NELL1: variants seen among roughly 807,000 people sequenced by gnomAD.
NELL1 encodes the protein protein kinase C-binding protein NELL1.
A neutral mutation model predicts 107.4 loss-of-function variants in NELL1; 76 were observed. The observed-to-expected ratio is 0.71, with a 90% confidence interval of 0.59 to 0.86. The LOEUF (loss-of-function observed/expected upper bound fraction) is 0.86, where lower values mean the gene tolerates loss of function less well. Ranked by LOEUF, NELL1 falls within the 40% of genes least tolerant of loss-of-function variation. The pLI, the probability that NELL1 is intolerant of heterozygous loss-of-function variation, is 0.00. For missense variants in NELL1, 1,024 were observed against 1,005.5 expected (o/e 1.02, Z -0.25); for synonymous variants, 353 against 341.2 (o/e 1.03, Z -0.38).
At chr11:20,998,640 A>G (rs1852145255) in intron 12 of NELL1, among the ~76,000 whole-genome samples, 1 of 152,198 alleles carries the variant, frequency 6.6e-6, no homozygotes, top group African/African-American at 2.4e-5. Context: ...AGCAGCAGCT[A>G]ATTTAACAGC....
intron 15 of NELL1, among the ~76,000 whole-genome samples, chr11:21,398,104 T>A (rs574690939): frequency 6.6e-6 from 1 of 151,794 alleles, no homozygotes; most frequent in South Asian, 2.1e-4. Context: ...CAACCTGTAT[T>A]TTTTAACTTT....
chr11:21,333,938 G>C (rs1356659851), intron 14 of NELL1, among the ~76,000 whole-genome samples: 2 of 152,036 alleles, frequency 1.3e-5, no homozygotes, highest in African/African-American at 4.8e-5. Flanking sequence ...CGTGAGATTT[G>C]GGGCAGGTCC....
chr11:20,706,092 G>A (rs1311455397), intron 2 of NELL1, among the ~76,000 whole-genome samples: 1 of 152,168 alleles, frequency 6.6e-6, no homozygotes, highest in Non-Finnish European at 1.5e-5. Context: ...TTCAACCATT[G>A]TGGAAGACAG....
At chr11:21,171,618 T>C (rs1856608795) in intron 13 of NELL1, among the ~76,000 whole-genome samples, 1 of 151,866 alleles carries the variant, frequency 6.6e-6, no homozygotes, top group Admixed American at 6.5e-5. Context: ...TGTCTTATAA[T>C]CTAAAGCCAC....
intron 2 of NELL1, among the ~76,000 whole-genome samples, chr11:20,731,252 G>A (rs552777505): frequency 2.6e-5 from 4 of 152,366 alleles, no homozygotes; most frequent in East Asian, 1.9e-4. Context: ...ACCTTGACAA[G>A]CTGCAAGGCT....
intron 12 of NELL1, among the ~76,000 whole-genome samples, chr11:21,002,235 G>A (rs574707170): frequency 1.4e-3 from 159 of 114,584 alleles, no homozygotes; most frequent in Admixed American, 2.1e-3. Context: ...TCTACATATC[G>A]AAGCCATAAA....
chr11:21,230,504 C>T (rs935333538), intron 14 of NELL1, among the ~76,000 whole-genome samples: 1 of 152,096 alleles, frequency 6.6e-6, no homozygotes, highest in African/African-American at 2.4e-5. Flanking sequence ...AAAAAATAGG[C>T]AACATGAACA....
At chr11:21,256,932 A>G (rs1486253743) in intron 14 of NELL1, among the ~76,000 whole-genome samples, 1 of 152,042 alleles carries the variant, frequency 6.6e-6, no homozygotes, top group African/African-American at 2.4e-5. Context: ...AGCTGTGCAC[A>G]GCAGGAACCC....
intron 16 of NELL1, among the ~76,000 whole-genome samples, chr11:21,557,852 T>C (rs1856758277): frequency 6.6e-6 from 1 of 151,954 alleles, no homozygotes. Flanking sequence ...GAAAGTTAAA[T>C]GGAATAAATA....
Position 21,272,211 on chromosome 11 carries a change from G to A in NELL1, c.1549+42757G>A, listed in dbSNP as rs866684799. ...ATCAGGTCACTCCCACCCTAATACT[G>A]CACTTTTCCAACAGTCTTAGCAAAT... is the stretch of plus-strand genomic sequence containing the variant. On this transcript the variant is annotated intron_variant, in intron 14 of 19. Coordinates refer to ENST00000357134, the MANE Select transcript of NELL1 (RefSeq NM_006157.5). Among the ~76,000 whole-genome samples the A allele has an allele frequency of 1.1e-4, 17 of 152,306 alleles. No individual in the cohort carries two copies. In the South Asian group the frequency reaches 1.9e-3, roughly 17 times the overall value.
At chr11:20,829,041 G>A (rs1030273553) in intron 3 of NELL1, among the ~76,000 whole-genome samples, 7 of 152,052 alleles carry the variant, frequency 4.6e-5, no homozygotes, top group African/African-American at 1.7e-4. Flanking sequence ...CCTTGGCTAG[G>A]CCTCTTAGGA....
intron 13 of NELL1, among the ~76,000 whole-genome samples, chr11:21,200,009 T>A (rs2133846717): frequency 6.6e-6 from 1 of 152,318 alleles, no homozygotes; most frequent in South Asian, 2.1e-4. Context: ...TATTCCATGG[T>A]GTATATGTGT....
chr11:21,267,088 T>C (rs370365915), intron 14 of NELL1, among the ~76,000 whole-genome samples: 7 of 152,132 alleles, frequency 4.6e-5, no homozygotes, highest in African/African-American at 1.7e-4. Context: ...GTATGTTTCT[T>C]TTCTTGATTT....
At chr11:21,203,323 T>C (rs571477548) in intron 13 of NELL1, among the ~76,000 whole-genome samples, 3 of 152,284 alleles carry the variant, frequency 2.0e-5, no homozygotes, top group African/African-American at 7.2e-5. Context: ...AGTGCATATA[T>C]ATTTAGGAAA....
At chr11:20,976,319 T>C (rs1051371351) in intron 12 of NELL1, among the ~76,000 whole-genome samples, 2 of 151,948 alleles carry the variant, frequency 1.3e-5, no homozygotes, top group African/African-American at 4.8e-5. Flanking sequence ...GCCCATGACG[T>C]GTAGTAATTG....
chr11:21,470,537 A>G (rs1266811016), intron 15 of NELL1, among the ~76,000 whole-genome samples: 1 of 152,086 alleles, frequency 6.6e-6, no homozygotes, highest in East Asian at 1.9e-4. Flanking sequence ...CCTCTTCTAG[A>G]ACATTTCCCT....
intron 15 of NELL1, among the ~76,000 whole-genome samples, chr11:21,457,977 T>C (rs539009850): frequency 1.3e-5 from 2 of 151,802 alleles, no homozygotes; most frequent in South Asian, 4.2e-4. Flanking sequence ...ATTTGATAAG[T>C]GGCGAGGTAA....
chr11:20,989,136 A>C (rs969220721), intron 12 of NELL1, among the ~76,000 whole-genome samples: 1 of 152,192 alleles, frequency 6.6e-6, no homozygotes, highest in Middle Eastern at 3.2e-3. Context: ...GTACAAATCC[A>C]AGTCTTCGTG....
At chr11:20,992,246 T>C (rs59436557) in intron 12 of NELL1, among the ~76,000 whole-genome samples, 8,117 of 152,238 alleles carry the variant, frequency 0.053, 257 homozygotes, top group Middle Eastern at 0.095. Flanking sequence ...GTTTCTAAGT[T>C]TCTTGCTTAA....
Sources: gnomAD v4.1 joint callset for allele counts (sites outside exome capture counted in the v4.1 genomes callset) on GRCh38, gnomAD v4.1.1 for gene constraint, MANE v1.5 for transcripts, NCBI Gene and HGNC (gene_info 2026-07-23, HGNC 2026-07-21) for gene names.